Variants in RSRC1 observed in about 807,000 individuals in gnomAD.
RSRC1 encodes the protein serine/Arginine-related protein 53.
A neutral mutation model predicts 49.1 loss-of-function variants in RSRC1; 39 were observed. The ratio of observed to expected loss-of-function variants is 0.79; its 90% CI spans 0.61 to 1.04. The LOEUF (loss-of-function observed/expected upper bound fraction) is 1.04, where lower values mean the gene tolerates loss of function less well. Among genes scored for constraint, RSRC1 ranks in the 50% least tolerant of loss-of-function variants. The pLI is 0.00. For synonymous variants in RSRC1, 143 were observed against 130.8 expected, an observed-to-expected ratio of 1.09 and a Z score of -0.63; for missense variants, 388 against 402.4, an observed-to-expected ratio of 0.96 and a Z score of 0.31.
At chr3:158,197,178 A>C (rs1387549863) in intron 3 of RSRC1, among the ~76,000 whole-genome samples, 5 of 152,134 alleles carry the variant, frequency 3.3e-5, no homozygotes, top group African/African-American at 7.2e-5. Context: ...TCAATTTCAG[A>C]GCCTGTTATT....
chr3:158,365,753 C>T lies in RSRC1; in HGVS notation c.583+10845C>T, dbSNP rs1229396203. Among the ~76,000 whole-genome samples the T allele has an allele frequency of 3.3e-5, 5 of 152,306 alleles. No homozygotes were observed. In the South Asian group the frequency reaches 8.3e-4, roughly 25 times the overall value. On this transcript the variant is annotated intron_variant, in intron 6 of 9. Transcript: ENST00000611884. ...CATCCACAATGGTTGGATTAATTTA[C>T]ACTCCCACCAACATTGTAAAAGCAT... is the stretch of plus-strand genomic sequence containing the variant.
intron 7 of RSRC1, among the ~76,000 whole-genome samples, chr3:158,518,318 C>G (rs1740715886): frequency 6.7e-6 from 1 of 149,438 alleles, no homozygotes; most frequent in African/African-American, 2.5e-5. Flanking sequence ...ATTATTTTTT[C>G]CTTGAACGTT....
intron 6 of RSRC1, among the ~76,000 whole-genome samples, chr3:158,450,430 A>G (rs951978748): frequency 2.0e-5 from 3 of 150,092 alleles, no homozygotes; most frequent in Non-Finnish European, 3.0e-5. Flanking sequence ...TGTAGTTACT[A>G]TGGACGCATA....
chr3:158,478,948 CAAA>C (rs10603914), intron 7 of RSRC1, among the ~76,000 whole-genome samples: 22 of 112,284 alleles, frequency 2.0e-4, no homozygotes, highest in South Asian at 5.4e-4. Context: ...GGAGAAAAAG[CAAA>C]AAAAAAAAAA....
intron 7 of RSRC1, among the ~76,000 whole-genome samples, chr3:158,516,624 C>G (rs1440187035): frequency 6.6e-6 from 1 of 152,192 alleles, no homozygotes; most frequent in Non-Finnish European, 1.5e-5. Context: ...TGGGCTCCAC[C>G]CGGTTGGAGC....
chr3:158,322,279 G>T (rs1156470584), intron 5 of RSRC1, among the ~76,000 whole-genome samples: 2 of 151,994 alleles, frequency 1.3e-5, no homozygotes, highest in Admixed American at 6.6e-5. Context: ...ATTAAATTTT[G>T]GTAGAGATGG....
At chr3:158,186,912 C>G (rs915846801) in intron 3 of RSRC1, among the ~76,000 whole-genome samples, 1 of 151,822 alleles carries the variant, frequency 6.6e-6, no homozygotes, top group Non-Finnish European at 1.5e-5. Flanking sequence ...TTAAATGGAT[C>G]TACTTGTAAC....
chr3:158,258,637 C>T (rs914532557), intron 4 of RSRC1, among the ~76,000 whole-genome samples: 6 of 152,054 alleles, frequency 3.9e-5, no homozygotes, highest in African/African-American at 1.4e-4. Flanking sequence ...AACTTTCTAC[C>T]TCTGTCTCTT....
intron 6 of RSRC1, among the ~76,000 whole-genome samples, chr3:158,366,741 G>A (rs569074680): frequency 2.6e-4 from 40 of 152,272 alleles, no homozygotes; most frequent in African/African-American, 9.6e-4. Context: ...ACTTTGGGCA[G>A]TATGGCCATG....
intron 3 of RSRC1, among the ~76,000 whole-genome samples, chr3:158,185,753 C>A (rs1156616408): frequency 6.6e-6 from 1 of 151,850 alleles, no homozygotes; most frequent in African/African-American, 2.4e-5. Context: ...AATTTAAATG[C>A]CTTTATTTAA....
intron 5 of RSRC1, among the ~76,000 whole-genome samples, chr3:158,338,865 T>C (rs11710570): frequency 0.36 from 54,077 of 152,074 alleles, 10,593 homozygotes; most frequent in Middle Eastern, 0.47. Context: ...CTTATTCTTC[T>C]CTAAAAGCAT....
At chr3:158,144,309 G>A (rs937638988) in intron 3 of RSRC1, among the ~76,000 whole-genome samples, 12 of 149,682 alleles carry the variant, frequency 8.0e-5, no homozygotes, top group African/African-American at 1.2e-4. Flanking sequence ...AACAGTCCCC[G>A]GTGTGTGATG....
chr3:158,184,772 G>A (rs967077567), intron 3 of RSRC1, among the ~76,000 whole-genome samples: 6 of 152,006 alleles, frequency 3.9e-5, no homozygotes, highest in African/African-American at 1.4e-4. Flanking sequence ...AAGCTGTCAA[G>A]TATCTTAAGT....
Position 158,202,565 on chromosome 3 carries a change from TA to T in RSRC1, c.321-506del, listed in dbSNP as rs1559941215. 1.7e-4 allele frequency among the ~76,000 whole-genome samples: 24 copies of T among 137,234 alleles called. 1 individual carries two copies. The highest frequency in any genetic ancestry group is 3.4e-4 in the African/African-American group (12 of 35,310). The allele number at this position is 137,234 out of a possible 152,430, so 90.0% of individuals were successfully genotyped here. ...GTAGGGTTGTCAGTCTGGTAGATTA[TA>T]TATATATATATATATGTTTTATCAA... is the stretch of plus-strand genomic sequence containing the variant. On this transcript the variant is annotated intron_variant, in intron 3 of 9. Transcript: ENST00000611884.
chr3:158,307,098 G>A (rs1027394695), intron 5 of RSRC1, among the ~76,000 whole-genome samples: 5 of 151,452 alleles, frequency 3.3e-5, no homozygotes, highest in African/African-American at 7.3e-5. Context: ...GGAATCATTG[G>A]TGACTTCTCT....
At chr3:158,235,879 A>G (rs1723212957) in intron 4 of RSRC1, among the ~76,000 whole-genome samples, 1 of 152,184 alleles carries the variant, frequency 6.6e-6, no homozygotes, top group African/African-American at 2.4e-5. Flanking sequence ...GCACTTTGGG[A>G]GGCCAAGGTA....
chr3:158,200,654 C>T (rs1720991366), intron 3 of RSRC1, among the ~76,000 whole-genome samples: 2 of 151,632 alleles, frequency 1.3e-5, no homozygotes, highest in Non-Finnish European at 2.9e-5. Context: ...TACTTATTTT[C>T]TTCTTTTTTT....
chr3:158,198,008 G>A (rs860422), intron 3 of RSRC1, among the ~76,000 whole-genome samples: 2 of 151,800 alleles, frequency 1.3e-5, no homozygotes, highest in South Asian at 2.1e-4. Flanking sequence ...CTATTAGGTC[G>A]GCTTGGTGCA....
At chr3:158,274,576 T>A (rs1256035015) in intron 4 of RSRC1, among the ~76,000 whole-genome samples, 1 of 152,088 alleles carries the variant, frequency 6.6e-6, no homozygotes, top group Non-Finnish European at 1.5e-5. Flanking sequence ...AGAAAATCGG[T>A]TCAGAGAAGC....
Sources: gnomAD v4.1 joint callset for allele counts (sites outside exome capture counted in the v4.1 genomes callset) on GRCh38, gnomAD v4.1.1 for gene constraint, MANE v1.5 for transcripts, NCBI Gene and HGNC (gene_info 2026-07-23, HGNC 2026-07-21) for gene names.